Variants in PRDM5 observed in about 807,000 individuals in gnomAD.
The protein encoded by PRDM5 is PR domain zinc finger protein 5.
Under a neutral mutation model 81.2 loss-of-function variants are expected in PRDM5, and 56 were observed. The observed-to-expected ratio is 0.69, with a 90% CI of 0.56 to 0.86. The LOEUF (loss-of-function observed/expected upper bound fraction) is 0.86, where lower values mean the gene tolerates loss of function less well. Ranked by LOEUF, PRDM5 falls within the 40% of genes least tolerant of loss-of-function variation. The pLI, the probability that PRDM5 is intolerant of heterozygous loss-of-function variation, is 0.00. For missense variants in PRDM5, 697 were observed against 770.1 expected, an observed-to-expected ratio of 0.91 and a Z score of 1.12; for synonymous variants, 267 against 256.4, an observed-to-expected ratio of 1.04 and a Z score of -0.39.
intron 15 of PRDM5, among the ~76,000 whole-genome samples, chr4:120,705,965 T>A (rs969796331): frequency 2.0e-5 from 3 of 151,988 alleles, no homozygotes; most frequent in Non-Finnish European, 4.4e-5. Context: ...AAGGTGACAA[T>A]GAGAATTTAG....
intron 13 of PRDM5, among the ~76,000 whole-genome samples, chr4:120,766,599 G>C (rs1263854619): frequency 1.3e-5 from 2 of 152,098 alleles, no homozygotes; most frequent in Admixed American, 6.6e-5. Context: ...TAGTTCTATG[G>C]TATGTTCAAG....
At chr4:120,797,292 T>C (rs1017765239) in intron 10 of PRDM5, among the ~76,000 whole-genome samples, 1 of 152,148 alleles carries the variant, frequency 6.6e-6, no homozygotes, top group Non-Finnish European at 1.5e-5. Flanking sequence ...TGAAGGTGTA[T>C]ATACTATTAC....
At chr4:120,867,810 C>T (rs138071408) in intron 2 of PRDM5, among the ~76,000 whole-genome samples, 1,534 of 152,322 alleles carry the variant, frequency 0.01, 9 homozygotes, top group Non-Finnish European at 0.016. Context: ...CCAGAGATAT[C>T]TCACTTCATT....
At chr4:120,747,042 C>T (rs1307347792) in intron 14 of PRDM5, among the ~76,000 whole-genome samples, 1 of 144,712 alleles carries the variant, frequency 6.9e-6, no homozygotes, top group Non-Finnish European at 1.5e-5. Flanking sequence ...CCCAAATGTC[C>T]AACAATGATA....
At chr4:120,906,682 G>T (rs192295844) in intron 2 of PRDM5, among the ~76,000 whole-genome samples, 1 of 152,168 alleles carries the variant, frequency 6.6e-6, no homozygotes, top group African/African-American at 2.4e-5. Context: ...ACAGATCTCT[G>T]CTTAAGTGAA....
chr4:120,798,639 T>C (rs901209120), intron 9 of PRDM5, among the ~76,000 whole-genome samples: 1 of 152,226 alleles, frequency 6.6e-6, no homozygotes, highest in African/African-American at 2.4e-5. Flanking sequence ...TTTGAATTTT[T>C]AAAGTAGCTT....
chr4:120,871,895 G>C (rs553323642), intron 2 of PRDM5, among the ~76,000 whole-genome samples: 2 of 152,162 alleles, frequency 1.3e-5, no homozygotes, highest in Admixed American at 6.5e-5. Context: ...GCTCACGCCT[G>C]TTATCCCAAC....
At chr4:120,875,142 T>C (rs192074519) in intron 2 of PRDM5, among the ~76,000 whole-genome samples, 3 of 152,358 alleles carry the variant, frequency 2.0e-5, no homozygotes, top group East Asian at 1.9e-4. Context: ...GAGAGTTTCC[T>C]GGCCAAATTT....
Position 120,830,160 on chromosome 4 carries a change from C to T in PRDM5, c.301-8815G>A, listed in dbSNP as rs755940800. 5.1e-4 allele frequency among the ~76,000 whole-genome samples: 78 copies of T among 151,996 alleles called. 3 individuals carry two copies. The highest frequency in any genetic ancestry group is 1.9e-4 in the Non-Finnish European group (13 of 67,966). ...GTCTTTAAGACATAACTGTAATAGACAGGATTCCTGTTTATTCACTCTCTT... is the reference window on the plus strand; with the variant it reads ...GTCTTTAAGACATAACTGTAATAGATAGGATTCCTGTTTATTCACTCTCTT... On this transcript the variant is annotated intron_variant, in intron 3 of 15. Transcript: ENST00000264808.
chr4:120,710,802 C>T (rs1385296606), intron 14 of PRDM5, among the ~76,000 whole-genome samples: 2 of 152,142 alleles, frequency 1.3e-5, no homozygotes, highest in African/African-American at 4.8e-5. Flanking sequence ...GTTTCCTGAG[C>T]TCTCCCCAGC....
intron 2 of PRDM5, among the ~76,000 whole-genome samples, chr4:120,871,911 G>C (rs1224193834): frequency 6.6e-6 from 1 of 151,936 alleles, no homozygotes; most frequent in South Asian, 2.1e-4. Flanking sequence ...CCAACACTTT[G>C]GGAGGCCGAG....
intron 2 of PRDM5, among the ~76,000 whole-genome samples, chr4:120,897,940 T>C (rs1764831390): frequency 1.3e-5 from 2 of 152,168 alleles, no homozygotes. Context: ...CTTAAGTCAG[T>C]TTCTATTGTC....
At chr4:120,917,878 G>A (rs12648660) in intron 1 of PRDM5, among the ~76,000 whole-genome samples, 12,416 of 152,140 alleles carry the variant, frequency 0.082, 640 homozygotes, top group Middle Eastern at 0.19. Flanking sequence ...TTAAGGAAAA[G>A]TGTATATGGA....
At position 120,798,414 on chromosome 4, in the gene PRDM5, G is replaced by C. The variant is rs767170733; in HGVS notation, c.1041C>G (p.Pro347=). Residue 347 remains proline, a synonymous_variant, in exon 10 of 16, where the codon CCC becomes CCG. Transcript: ENST00000264808. ...RHMITHSEKR[P]YNCEICNKSF... is the part of the protein sequence containing the mutation. ...ACTTATTACAAATCTCGCAATTATA[G>C]GGTCGTTTTTCTATTAAAAAAATGA... 6.2e-7 allele frequency: 1 copy of C among 1,605,048 alleles called. No individual in the cohort carries two copies. Among genetic ancestry groups the C allele is most frequent in the East Asian group, 2.2e-5 (1 of 44,586 alleles).
chr4:120,883,029 T>TC (rs1333998781), intron 2 of PRDM5, among the ~76,000 whole-genome samples: 4 of 152,234 alleles, frequency 2.6e-5, no homozygotes, highest in African/African-American at 9.6e-5. Context: ...TCTCAAGTGC[T>TC]CAATAGCCAT....
chr4:120,865,012 C>T (rs1261591865), intron 2 of PRDM5, among the ~76,000 whole-genome samples: 2 of 152,218 alleles, frequency 1.3e-5, no homozygotes, highest in Non-Finnish European at 2.9e-5. Context: ...AACAAAAAAT[C>T]TGGCAAGAAA....
chr4:120,816,879 TC>T lies in PRDM5; in HGVS notation c.695del (p.Arg232GlnfsTer42). On this transcript the variant is annotated frameshift_variant, in exon 6 of 16. Coordinates refer to ENST00000264808, the MANE Select transcript of PRDM5 (RefSeq NM_018699.4). LOFTEE classifies it high-confidence loss of function. The stretch of plus-strand genomic sequence containing the variant: ...AATTGCAAACAGAGCACTGAAAACT[TC>T]GCGAAGACTCCTTTAGACTGCTTTT... Reference protein sequence around the residue: ...TAKSSLKESSRSFQCSVCNSS... With the variant: ...TAKSSLKESSXSFQCSVCNSS... 1 of 1,613,898 alleles carries T rather than the reference TC, an allele frequency of 6.2e-7. No homozygotes were observed. Among genetic ancestry groups the T allele is most frequent in the Non-Finnish European group, 8.5e-7 (1 of 1,179,808 alleles).
At chr4:120,864,439 T>C (rs1244313578) in intron 2 of PRDM5, among the ~76,000 whole-genome samples, 4 of 152,214 alleles carry the variant, frequency 2.6e-5, no homozygotes, top group Non-Finnish European at 4.4e-5. Context: ...GCAAACTTAA[T>C]GTAAACAAGA....
chr4:120,828,412 T>C (rs1011592637), intron 3 of PRDM5, among the ~76,000 whole-genome samples: 3 of 152,058 alleles, frequency 2.0e-5, no homozygotes, highest in Non-Finnish European at 4.4e-5. Flanking sequence ...AAAAATAAAA[T>C]GTAAAGATCC....
Sources: gnomAD v4.1 joint callset for allele counts (sites outside exome capture counted in the v4.1 genomes callset) on GRCh38, gnomAD v4.1.1 for gene constraint, MANE v1.5 for transcripts, NCBI Gene and HGNC (gene_info 2026-07-23, HGNC 2026-07-21) for gene names.